The following SUMO2 variants were observed in gnomAD, a reference collection of about 807,000 sequenced individuals.
SUMO2 encodes the protein small ubiquitin like modifier 2.
Under a neutral mutation model 16.0 loss-of-function variants are expected in SUMO2, and 1 was observed. That is an observed-to-expected ratio of 0.06 (90% CI 0.02 to 0.30). SUMO2 has a LOEUF of 0.30. Ranked by LOEUF, SUMO2 falls within the 10% of genes least tolerant of loss-of-function variation. The pLI is 1.00. For synonymous variants in SUMO2, 36 were observed against 40.6 expected, an observed-to-expected ratio of 0.89 and a Z score of 0.43; for missense variants, 16 against 117.5, an observed-to-expected ratio of 0.14 and a Z score of 3.99.
At chr17:75,181,012 T>C in intron 2 of SUMO2, 45 bp downstream of exon 2, 1 of 1,605,666 alleles carries the variant, frequency 6.2e-7, no homozygotes, top group South Asian at 1.1e-5. Context: ...ATAAGATTTT[T>C]AAAAATAGTT....
chr17:75,169,068 G>GAA (rs796178767), intron 3 of SUMO2, among the ~76,000 whole-genome samples: 36 of 137,232 alleles, frequency 2.6e-4, no homozygotes, highest in African/African-American at 9.1e-4. Context: ...AAAAAAAAAG[G>GAA]AAAAAAAAAA....
At chr17:75,173,186 C>T (rs895655789) in intron 3 of SUMO2, among the ~76,000 whole-genome samples, 8 of 152,124 alleles carry the variant, frequency 5.3e-5, no homozygotes, top group African/African-American at 1.9e-4. Context: ...ATTTTTGAGA[C>T]AGAGTTTTGC....
rs2074709230 is a variant in SUMO2 at position 75,168,323 on chromosome 17, G to C, written c.*16C>G. On this transcript the variant is annotated 3_prime_UTR_variant, in exon 4 of 4. Coordinates refer to ENST00000420826, the MANE Select transcript of SUMO2 (RefSeq NM_006937.4). ...TTAAAGAACAGAGTTCTGGAGTAAA[G>C]AAGCAGGTTCCCTTTTCAGTAGACA... 3.8e-6 allele frequency: 6 copies of C among 1,569,384 alleles called. No individual in the cohort carries two copies. In the South Asian group the frequency reaches 7.1e-5, roughly 19 times the overall value.
chr17:75,170,435 T>C lies in SUMO2; in HGVS notation c.226-2034A>G, dbSNP rs547505626. ...AAATACAAAAATTAGCTGGGTGTGGTTGCGCACGCCTGTAGTCCCAGCTAC... is the reference window on the plus strand; with the variant it reads ...AAATACAAAAATTAGCTGGGTGTGGCTGCGCACGCCTGTAGTCCCAGCTAC... On this transcript the variant is annotated intron_variant, in intron 3 of 3. Coordinates refer to ENST00000420826, the MANE Select transcript of SUMO2 (RefSeq NM_006937.4). Among the ~76,000 whole-genome samples the C allele has an allele frequency of 8.1e-5, 12 of 148,206 alleles. No homozygotes were observed. The East Asian group carries it at 2.3e-3, about 28-fold the overall frequency.
intron 1 of SUMO2, among the ~76,000 whole-genome samples, chr17:75,182,220 A>G (rs926859438): frequency 2.0e-5 from 3 of 152,130 alleles, no homozygotes; most frequent in South Asian, 4.1e-4. Context: ...TGAGGCTATT[A>G]AAGTGGGAAA....
At chr17:75,175,312 T>A (rs1415012135) in intron 2 of SUMO2, among the ~76,000 whole-genome samples, 3 of 151,028 alleles carry the variant, frequency 2.0e-5, no homozygotes, top group Non-Finnish European at 4.4e-5. Flanking sequence ...TAAGATGTAG[T>A]ATTTTTTTTC....
At chr17:75,178,704 G>A (rs187977706) in intron 2 of SUMO2, among the ~76,000 whole-genome samples, 2 of 151,948 alleles carry the variant, frequency 1.3e-5, no homozygotes, top group Admixed American at 6.6e-5. Flanking sequence ...AAATAGCCTG[G>A]ACTACAGGTA....
At chr17:75,170,107 G>GC (rs2074725521) in intron 3 of SUMO2, among the ~76,000 whole-genome samples, 1 of 151,850 alleles carries the variant, frequency 6.6e-6, no homozygotes, top group South Asian at 2.1e-4. Context: ...AACCCAGGAG[G>GC]TGGAGGTTGC....
intron 3 of SUMO2, among the ~76,000 whole-genome samples, chr17:75,170,614 G>A (rs1343689718): frequency 2.0e-5 from 3 of 151,184 alleles, no homozygotes; most frequent in East Asian, 1.9e-4. Flanking sequence ...AAAAACCCAC[G>A]GCAGGCGTGG....
In SUMO2 at chr17:75,168,170, CA is replaced by C; in HGVS notation, c.*168del. The C allele has an allele frequency of 3.9e-6, 2 of 516,894 alleles. No individual in the cohort carries two copies. The highest frequency in any genetic ancestry group is 6.5e-6 in the Non-Finnish European group (2 of 306,530). 32.0% of individuals were successfully genotyped at this position (516,894 alleles called of 1,614,324 possible). A position where few individuals can be genotyped will look rare whatever the true frequency, so the allele number is the denominator to read the frequency against. ...ATGCAATATGCTTGTGCACATATACCAGTTACTTTATGTACAATAAAGGAAT... is the reference window on the plus strand; with the variant it reads ...ATGCAATATGCTTGTGCACATATACCGTTACTTTATGTACAATAAAGGAAT... On this transcript the variant is annotated 3_prime_UTR_variant, in exon 4 of 4. Transcript: ENST00000420826.
At chr17:75,174,674 T>G in intron 3 of SUMO2, 78 bp downstream of exon 3, 1 of 1,386,490 alleles carries the variant, frequency 7.2e-7, no homozygotes, top group African/African-American at 1.4e-5. Flanking sequence ...CTCCAGTGTC[T>G]AAACGTTCAA....
chr17:75,182,638 G>C (rs930956486), intron 1 of SUMO2, 176 bp downstream of exon 1: 15 of 409,794 alleles, frequency 3.7e-5, no homozygotes, highest in African/African-American at 2.5e-4. Context: ...TTCGGCGCGG[G>C]AGGGAGGAAG....
rs1390897502 is a variant in SUMO2 at position 75,167,580 on chromosome 17, T to C, written c.*759A>G. 5 of 152,198 alleles carry C rather than the reference T, an allele frequency of 3.3e-5. No individual in the cohort carries two copies. Among genetic ancestry groups the C allele is most frequent in the African/African-American group, 4.8e-5 (2 of 41,462 alleles). 9.4% of individuals were successfully genotyped at this position (152,198 alleles called of 1,614,324 possible). On this transcript the variant is annotated 3_prime_UTR_variant, in exon 4 of 4. Transcript: ENST00000420826. ...TGGAACAAGGTGATATTTATAAAAC[T>C]GTTATTCTTTGTTTGGCATCAGTAT...
intron 1 of SUMO2, among the ~76,000 whole-genome samples, chr17:75,181,735 CG>C (rs924840681): frequency 2.6e-5 from 4 of 152,100 alleles, no homozygotes; most frequent in Non-Finnish European, 5.9e-5. Context: ...CGATTCCCCC[CG>C]GAACAGCGGT....
intron 2 of SUMO2, among the ~76,000 whole-genome samples, chr17:75,178,035 A>G (rs933285015): frequency 6.8e-6 from 1 of 147,684 alleles, no homozygotes; most frequent in African/African-American, 2.5e-5. Flanking sequence ...GCACAAGCCT[A>G]TAGTCCCAAC....
intron 2 of SUMO2, among the ~76,000 whole-genome samples, chr17:75,177,911 C>T (rs1164889180): frequency 6.9e-6 from 1 of 144,518 alleles, no homozygotes; most frequent in Admixed American, 7.3e-5. Context: ...ATTGCTTGAA[C>T]CCGGGAGGTG....
chr17:75,168,582 C>T (rs1568044608), intron 3 of SUMO2, among the ~76,000 whole-genome samples, 181 bp from the exon 4 acceptor site: 1 of 151,954 alleles, frequency 6.6e-6, no homozygotes, highest in African/African-American at 2.4e-5. Context: ...CACTTGGCTT[C>T]CTTTTTTATG....
At position 75,176,771 on chromosome 17, in the gene SUMO2, G is replaced by A. The variant is rs532822642; in HGVS notation, c.154-1948C>T. Among the ~76,000 whole-genome samples, 193 of 152,220 alleles carry A rather than the reference G, an allele frequency of 1.3e-3. 1 individual carries two copies. The highest frequency in any genetic ancestry group is 4.5e-3 in the African/African-American group (186 of 41,526). ...CTGTCTTACTAAAAAACACACTTCAGGAGATATAGGAACCTAGACTGTTTT... is the reference window on the plus strand; with the variant it reads ...CTGTCTTACTAAAAAACACACTTCAAGAGATATAGGAACCTAGACTGTTTT... On this transcript the variant is annotated intron_variant, in intron 2 of 3. Transcript: ENST00000420826.
At chr17:75,182,699 GC>G (rs539322092) in intron 1 of SUMO2, 114 bp downstream of exon 1, 42,662 of 904,364 alleles carry the variant, frequency 0.047, 1,261 homozygotes, top group Non-Finnish European at 0.054. Context: ...GCCGCGGCCG[GC>G]CCCGTGGGGG....
Sources: allele counts gnomAD v4.1 joint callset (sites outside exome capture counted in the v4.1 genomes callset), GRCh38; gene constraint gnomAD v4.1.1; transcripts MANE v1.5; gene names NCBI Gene and HGNC (gene_info 2026-07-23, HGNC 2026-07-21).